The following STAU2 variants were observed in gnomAD, a reference collection of about 807,000 sequenced individuals.
STAU2 encodes staufen double-stranded RNA binding protein 2, also known as double-stranded RNA-binding protein Staufen homolog 2.
STAU2 carries 20 observed loss-of-function variants against 65.9 expected under a neutral mutation model. The ratio of observed to expected loss-of-function variants is 0.30; its 90% confidence interval spans 0.21 to 0.44. The LOEUF (loss-of-function observed/expected upper bound fraction) is 0.44. Among genes scored for constraint, STAU2 ranks in the 20% least tolerant of loss-of-function variants. STAU2 has a pLI of 1.00. For synonymous variants in STAU2, 232 were observed against 233.9 expected (o/e 0.99, Z 0.07); for missense variants, 558 against 683.9 (o/e 0.82, Z 2.05).
rs1814522402 is a variant in STAU2 at position 73,636,445 on chromosome 8, AT to A, written c.411-18995del. 3.3e-5 allele frequency among the ~76,000 whole-genome samples: 5 copies of A among 152,234 alleles called. 1 individual carries two copies. Among genetic ancestry groups the A allele is most frequent in the Middle Eastern group, 6.8e-3 (2 of 294 alleles). ...TAGAATCTAGGTTCTACAACATATAATTTTACAATGTCCAGAATACAATCCA... is the reference window on the plus strand; with the variant it reads ...TAGAATCTAGGTTCTACAACATATAATTTACAATGTCCAGAATACAATCCA... On this transcript the variant is annotated intron_variant, in intron 6 of 14. Transcript: ENST00000524300.
chr8:73,620,768 C>A (rs117367311), intron 6 of STAU2, among the ~76,000 whole-genome samples: 1 of 152,158 alleles, frequency 6.6e-6, no homozygotes, highest in African/African-American at 2.4e-5. Context: ...GGATGCCTGA[C>A]TTATTTCATT....
intron 6 of STAU2, among the ~76,000 whole-genome samples, chr8:73,665,479 A>G (rs556587102): frequency 6.6e-6 from 1 of 152,364 alleles, no homozygotes; most frequent in African/African-American, 2.4e-5. Context: ...TTAATGTTGT[A>G]TACTTGGATG....
intron 13 of STAU2, chr8:73,527,900 C>T (rs1805549294): frequency 3.8e-5 from 2 of 52,606 alleles, no homozygotes; most frequent in Admixed American, 4.6e-4. Flanking sequence ...TCACAGAACA[C>T]ACTTTAAATA....
At chr8:73,474,143 C>T (rs1397573608) in intron 13 of STAU2, among the ~76,000 whole-genome samples, 1 of 151,686 alleles carries the variant, frequency 6.6e-6, no homozygotes, top group Non-Finnish European at 1.5e-5. Flanking sequence ...AAAAACAAAA[C>T]AAAACAAAAC....
At chr8:73,624,546 C>G (rs1270865048) in intron 6 of STAU2, among the ~76,000 whole-genome samples, 2 of 152,188 alleles carry the variant, frequency 1.3e-5, no homozygotes, top group African/African-American at 4.8e-5. Context: ...ACTGAATCCT[C>G]ACAACCCCAC....
rs1019532162 is a variant in STAU2, at chr8:73,430,713, A to G, written c.1531-8011T>C. On this transcript the variant is annotated intron_variant, in intron 13 of 14. Coordinates refer to ENST00000524300, the MANE Select transcript of STAU2 (RefSeq NM_001164380.2). ...AGTCCACAAAAATGTTTTACTACAT[A>G]CCTCCAAACCTGTTCAGAAGATGGT... Among the ~76,000 whole-genome samples, 8 of 152,350 alleles carry G rather than the reference A, an allele frequency of 5.3e-5. No homozygotes were observed. The South Asian group carries it at 8.3e-4, about 16-fold the overall frequency.
In STAU2 at chr8:73,535,978, A is replaced by T. The variant is rs10102816; in HGVS notation, c.1530+16034T>A. Among the ~76,000 whole-genome samples, 1,195 of 150,726 alleles carry T rather than the reference A, an allele frequency of 7.9e-3. 6 individuals carry two copies. Among genetic ancestry groups the T allele is most frequent in the East Asian group, 0.013 (70 of 5,186 alleles). On this transcript the variant is annotated intron_variant, in intron 13 of 14. Coordinates refer to ENST00000524300, the MANE Select transcript of STAU2 (RefSeq NM_001164380.2). ...ATTCATAATGGCATTTAATTTTTTT[A>T]AAAAAAATATTTTAACATGGTGCTT...
chr8:73,500,283 T>C (rs1449127829), intron 13 of STAU2, among the ~76,000 whole-genome samples: 1 of 151,968 alleles, frequency 6.6e-6, no homozygotes, highest in East Asian at 1.9e-4. Flanking sequence ...AAATTACCTC[T>C]AGATTACTTA....
chr8:73,508,092 C>A (rs577848300), intron 13 of STAU2, among the ~76,000 whole-genome samples: 1 of 152,174 alleles, frequency 6.6e-6, no homozygotes, highest in African/African-American at 2.4e-5. Context: ...GCTTTCTTAT[C>A]ATTTGTGTAT....
intron 4 of STAU2, among the ~76,000 whole-genome samples, chr8:73,701,655 T>C (rs1003577391): frequency 2.6e-5 from 4 of 152,134 alleles, no homozygotes; most frequent in Non-Finnish European, 5.9e-5. Flanking sequence ...GTACAACCAC[T>C]ATGGAGAACA....
chr8:73,526,162 T>G (rs1805442383), intron 13 of STAU2, among the ~76,000 whole-genome samples: 1 of 152,168 alleles, frequency 6.6e-6, no homozygotes, highest in South Asian at 2.1e-4. Flanking sequence ...TACAGAATCA[T>G]AACAGCACTG....
intron 13 of STAU2, among the ~76,000 whole-genome samples, chr8:73,526,671 G>A (rs537779693): frequency 6.6e-6 from 1 of 152,252 alleles, no homozygotes; most frequent in East Asian, 1.9e-4. Context: ...AAACATGTAT[G>A]TCTACTTACT....
intron 10 of STAU2, 122 bp downstream of exon 10, chr8:73,603,604 A>G: frequency 2.3e-6 from 3 of 1,298,498 alleles, no homozygotes; most frequent in Non-Finnish European, 3.1e-6. Context: ...GACAGAATGA[A>G]TGCTTTAACT....
At chr8:73,531,081 T>G (rs1805777430) in intron 13 of STAU2, among the ~76,000 whole-genome samples, 1 of 152,134 alleles carries the variant, frequency 6.6e-6, no homozygotes, top group African/African-American at 2.4e-5. Context: ...AGACGTAAAG[T>G]GTGCAGGAAG....
intron 13 of STAU2, among the ~76,000 whole-genome samples, chr8:73,450,516 C>A (rs1217976552): frequency 1.3e-5 from 2 of 152,278 alleles, no homozygotes; most frequent in South Asian, 2.1e-4. Context: ...CGTTTGGGGG[C>A]TAGGACTTCA....
At chr8:73,479,051 T>G (rs13253005) in intron 13 of STAU2, among the ~76,000 whole-genome samples, 16,607 of 152,038 alleles carry the variant, frequency 0.11, 1,232 homozygotes, top group African/African-American at 0.21. Flanking sequence ...AGTCAACAAT[T>G]ATCAATTCAT....
chr8:73,433,726 C>T (rs922709926), intron 13 of STAU2, among the ~76,000 whole-genome samples: 2 of 151,884 alleles, frequency 1.3e-5, no homozygotes, highest in Admixed American at 1.3e-4. Flanking sequence ...GTCTCGAACT[C>T]CTGGGCTCTC....
chr8:73,435,659 C>A (rs1177185015), intron 13 of STAU2, among the ~76,000 whole-genome samples: 1 of 151,988 alleles, frequency 6.6e-6, no homozygotes, highest in Non-Finnish European at 1.5e-5. Flanking sequence ...CCATAATTTA[C>A]CTCCAAGGAA....
chr8:73,444,407 CAAAA>C (rs55722523), intron 13 of STAU2, among the ~76,000 whole-genome samples: 18 of 128,362 alleles, frequency 1.4e-4, no homozygotes, highest in Non-Finnish European at 9.9e-5. Flanking sequence ...AAAACTCCAT[CAAAA>C]AAAAAAAAAA....
Sources: gnomAD v4.1 joint callset for allele counts (sites outside exome capture counted in the v4.1 genomes callset) on GRCh38, gnomAD v4.1.1 for gene constraint, MANE v1.5 for transcripts, NCBI Gene and HGNC (gene_info 2026-07-23, HGNC 2026-07-21) for gene names.